The following EEPD1 variants were observed in gnomAD, a reference collection of about 807,000 sequenced individuals.
EEPD1 encodes the protein endonuclease/exonuclease/phosphatase family domain-containing protein 1.
Under a neutral mutation model 46.3 loss-of-function variants are expected in EEPD1, and 17 were observed. The ratio of observed to expected loss-of-function variants is 0.37; its 90% CI spans 0.25 to 0.55. EEPD1 has a LOEUF of 0.55. Among genes scored for constraint, EEPD1 ranks in the 20% least tolerant of loss-of-function variants. EEPD1 has a pLI of 0.83. For missense variants in EEPD1, 673 were observed against 745.6 expected (o/e 0.90, Z 1.13); for synonymous variants, 313 against 315.6 (o/e 0.99, Z 0.09).
chr7:36,174,170 A>G (rs1785138192), intron 2 of EEPD1, among the ~76,000 whole-genome samples: 1 of 152,182 alleles, frequency 6.6e-6, no homozygotes, highest in Admixed American at 6.5e-5. Context: ...TTACCCGACC[A>G]GTTCTGGGGC....
chr7:36,198,598 G>A (rs140176775), intron 2 of EEPD1, among the ~76,000 whole-genome samples: 283 of 152,234 alleles, frequency 1.9e-3, no homozygotes, highest in African/African-American at 6.5e-3. Flanking sequence ...CGCTCTTTGG[G>A]GCATCACGCA....
At chr7:36,173,341 A>AC (rs1785123204) in intron 2 of EEPD1, among the ~76,000 whole-genome samples, 1 of 150,550 alleles carries the variant, frequency 6.6e-6, no homozygotes, top group Non-Finnish European at 1.5e-5. Context: ...AAAAAAAAAA[A>AC]AAAAAAACTT....
chr7:36,293,229 G>A (rs551262162), intron 6 of EEPD1, among the ~76,000 whole-genome samples: 1 of 152,110 alleles, frequency 6.6e-6, no homozygotes, highest in Admixed American at 6.5e-5. Flanking sequence ...CTTCAGTGAA[G>A]AATTTTTTTA....
At chr7:36,159,001 A>G (rs569300667) in intron 2 of EEPD1, among the ~76,000 whole-genome samples, 5 of 152,292 alleles carry the variant, frequency 3.3e-5, no homozygotes, top group Admixed American at 2.0e-4. Context: ...GCTTAAATCA[A>G]TTTTTTTGCC....
rs148916729 is a variant in EEPD1 at position 36,266,641 on chromosome 7, G to A, written c.931-14474G>A. Among the ~76,000 whole-genome samples, 807 of 152,316 alleles carry A rather than the reference G, an allele frequency of 5.3e-3. 4 individuals are homozygous for A. The highest frequency in any genetic ancestry group is 0.019 in the African/African-American group (769 of 41,560). ...AAACAATTCAGCGGCATTTAGGAGA[G>A]TCATATCGTGTGCAACCATCACCTC... On this transcript the variant is annotated intron_variant, in intron 3 of 7. Coordinates refer to ENST00000242108, the MANE Select transcript of EEPD1 (RefSeq NM_030636.3).
intron 6 of EEPD1, among the ~76,000 whole-genome samples, chr7:36,290,547 G>C (rs1014091337): frequency 6.6e-6 from 1 of 152,154 alleles, no homozygotes; most frequent in Non-Finnish European, 1.5e-5. Context: ...AAACAGAACC[G>C]ATGTGGTTAG....
chr7:36,226,280 C>G (rs1786230282), intron 2 of EEPD1, among the ~76,000 whole-genome samples: 1 of 152,162 alleles, frequency 6.6e-6, no homozygotes, highest in Admixed American at 6.5e-5. Context: ...AAGAAAGGCT[C>G]TGAATGATGA....
intron 3 of EEPD1, among the ~76,000 whole-genome samples, chr7:36,269,829 A>G (rs1246573513): frequency 6.6e-6 from 1 of 152,234 alleles, no homozygotes; most frequent in Non-Finnish European, 1.5e-5. Context: ...AATTCTTAGG[A>G]TTCTTTTCTA....
chr7:36,203,033 G>A (rs1005545624), intron 2 of EEPD1, among the ~76,000 whole-genome samples: 12 of 152,196 alleles, frequency 7.9e-5, no homozygotes, highest in African/African-American at 2.9e-4. Context: ...GGCGGGATGT[G>A]CTGGTGGCCA....
chr7:36,237,091 C>T (rs1430603923), intron 2 of EEPD1, among the ~76,000 whole-genome samples: 1 of 152,192 alleles, frequency 6.6e-6, no homozygotes, highest in Non-Finnish European at 1.5e-5. Flanking sequence ...CCAGGAGGAA[C>T]GAACAACTCC....
intron 5 of EEPD1, among the ~76,000 whole-genome samples, chr7:36,286,676 A>C (rs1273172562): frequency 6.6e-6 from 1 of 152,198 alleles, no homozygotes; most frequent in Non-Finnish European, 1.5e-5. Flanking sequence ...ATCTGGCTAT[A>C]GTGGGCTCCA....
At chr7:36,187,738 C>T (rs1192356601) in intron 2 of EEPD1, among the ~76,000 whole-genome samples, 1 of 152,202 alleles carries the variant, frequency 6.6e-6, no homozygotes, top group Non-Finnish European at 1.5e-5. Context: ...GAGTCCCCTG[C>T]AAGTCCCGTT....
chr7:36,189,721 G>A (rs549241806), intron 2 of EEPD1, among the ~76,000 whole-genome samples: 3 of 152,174 alleles, frequency 2.0e-5, no homozygotes, highest in Non-Finnish European at 4.4e-5. Context: ...CTTGCTGAGG[G>A]TATTTAACAC....
intron 2 of EEPD1, among the ~76,000 whole-genome samples, chr7:36,223,862 G>T (rs1786187429): frequency 6.6e-6 from 1 of 152,212 alleles, no homozygotes. Flanking sequence ...TCTGCAAGGA[G>T]AAACTTGCAG....
intron 5 of EEPD1, 120 bp downstream of exon 5, chr7:36,284,940 T>C (rs1787320962): frequency 3.8e-6 from 5 of 1,300,692 alleles, no homozygotes; most frequent in Non-Finnish European, 5.0e-6. Context: ...GATTTCAGCC[T>C]CTCATGATTG....
intron 2 of EEPD1, among the ~76,000 whole-genome samples, chr7:36,183,744 C>T (rs571215789): frequency 6.6e-6 from 1 of 152,202 alleles, no homozygotes; most frequent in Admixed American, 6.5e-5. Context: ...AAACAATCTT[C>T]CCACCTCAGC....
At chr7:36,189,970 G>A (rs757896407) in intron 2 of EEPD1, among the ~76,000 whole-genome samples, 1 of 151,584 alleles carries the variant, frequency 6.6e-6, no homozygotes, top group Non-Finnish European at 1.5e-5. Context: ...CCTGGGCAAT[G>A]TAGTGAGAGC....
At chr7:36,273,773 A>T (rs1176262685) in intron 3 of EEPD1, among the ~76,000 whole-genome samples, 1 of 152,162 alleles carries the variant, frequency 6.6e-6, no homozygotes, top group Admixed American at 6.5e-5. Flanking sequence ...AAAGATGTTC[A>T]GTGATGTGTG....
chr7:36,195,429 A>G (rs1459385624), intron 2 of EEPD1, among the ~76,000 whole-genome samples: 1 of 152,190 alleles, frequency 6.6e-6, no homozygotes, highest in Non-Finnish European at 1.5e-5. Context: ...TCCCTTCATA[A>G]AAGAAGTAGA....
Sources: allele counts gnomAD v4.1 joint callset (sites outside exome capture counted in the v4.1 genomes callset), GRCh38; gene constraint gnomAD v4.1.1; transcripts MANE v1.5; gene names NCBI Gene and HGNC (gene_info 2026-07-23, HGNC 2026-07-21).